ABCG5: variants seen among roughly 807,000 people sequenced by gnomAD.
The protein encoded by ABCG5 is ATP binding cassette subfamily G member 5, also known as ATP-binding cassette sub-family G member 5.
In ABCG5, 64 loss-of-function variants were observed where a neutral mutation model predicts 64.5. The observed-to-expected ratio is 0.99, with a 90% CI of 0.81 to 1.22. The LOEUF (loss-of-function observed/expected upper bound fraction) is 1.22, where lower values mean the gene tolerates loss of function less well. Ranked by LOEUF, ABCG5 falls within the 50% of genes most tolerant of loss-of-function variation. The pLI is 0.00. For synonymous variants in ABCG5, 385 were observed against 326.3 expected (o/e 1.18, Z -1.94); for missense variants, 908 against 829.5 (o/e 1.09, Z -1.16).
chr2:43,809,475 A>G (rs1028193597), downstream of ABCG5, among the ~76,000 whole-genome samples: 1 of 152,232 alleles, frequency 6.6e-6, no homozygotes, highest in African/African-American at 2.4e-5. Context: ...TGAAAGTTTA[A>G]TAAATTCATC....
intron 9 of ABCG5, among the ~76,000 whole-genome samples, chr2:43,823,522 A>G (rs1220206644): frequency 6.6e-6 from 1 of 152,166 alleles, no homozygotes; most frequent in African/African-American, 2.4e-5. Context: ...TTTGAAAATT[A>G]GGTGCTGGCT....
At chr2:43,811,429 A>G (rs554582348), downstream of ABCG5, among the ~76,000 whole-genome samples, 89 of 152,124 alleles carry the variant, frequency 5.9e-4, no homozygotes, top group Non-Finnish European at 8.8e-4. Flanking sequence ...AAATGCTATA[A>G]TTTATCTTTC....
chr2:43,819,514 TAAG>T (rs1667052040), intron 11 of ABCG5, among the ~76,000 whole-genome samples: 2 of 151,976 alleles, frequency 1.3e-5, no homozygotes, highest in South Asian at 2.1e-4. Context: ...TCTTAATTCC[TAAG>T]AATAACTGGG....
chr2:43,829,401 T>G (rs1446840863), intron 4 of ABCG5, among the ~76,000 whole-genome samples: 1 of 152,204 alleles, frequency 6.6e-6, no homozygotes, highest in Non-Finnish European at 1.5e-5. Flanking sequence ...GGACCCAATT[T>G]ATAACCCCCA....
intron 10 of ABCG5, among the ~76,000 whole-genome samples, chr2:43,821,899 C>T (rs1020337587): frequency 6.6e-6 from 1 of 152,024 alleles, no homozygotes; most frequent in Admixed American, 6.6e-5. Context: ...CGCACCCCAT[C>T]TTTGAAAGTG....
intron 6 of ABCG5, 82 bp downstream of exon 6, chr2:43,826,300 A>C: frequency 1.9e-6 from 3 of 1,601,966 alleles, no homozygotes; most frequent in Non-Finnish European, 2.6e-6. Flanking sequence ...GTGCCTGGCC[A>C]CTGGTACAAA....
intron 10 of ABCG5, 61 bp downstream of exon 10, chr2:43,822,736 G>T (rs575801639): frequency 6.2e-4 from 1,000 of 1,612,224 alleles, no homozygotes; most frequent in Non-Finnish European, 8.1e-4. Flanking sequence ...CCCTGCACGA[G>T]TCCCACTAGC....
chr2:43,815,712 T>C (rs1461708508), intron 11 of ABCG5, among the ~76,000 whole-genome samples: 5 of 151,882 alleles, frequency 3.3e-5, no homozygotes, highest in Non-Finnish European at 5.9e-5. Context: ...CCAGAAACAC[T>C]GGAAGAGAGG....
At position 43,838,598 on chromosome 2, in the gene ABCG5, C is replaced by T; in HGVS notation, c.82G>A (p.Ala28Thr). 1.9e-6 allele frequency: 3 copies of T among 1,611,558 alleles called. No homozygotes were observed. Among genetic ancestry groups the T allele is most frequent in the East Asian group, 2.2e-5 (1 of 44,812 alleles). ...NRGSQSSLEG[A>T]PATAPEPHSL... ...TGAGGCTCCGGGGCGGTGGCAGGAG[C>T]CCCCTCCAGGGAGCTCTGGGAGCCT... Residue 28 changes from alanine (A) to threonine (T), a missense_variant, in exon 1 of 13, where the codon GCT (alanine) becomes ACT (threonine). Coordinates refer to ENST00000405322, the MANE Select transcript of ABCG5 (RefSeq NM_022436.3). The surrounding 1 kb of genome is among the most constrained non-coding windows in gnomAD (Gnocchi z 4.2).
chr2:43,824,770 A>G, intron 7 of ABCG5, 119 bp downstream of exon 7: 1 of 1,515,090 alleles, frequency 6.6e-7, no homozygotes, highest in Middle Eastern at 1.8e-4. Flanking sequence ...CTTGAAGAGT[A>G]TAAAACACAA....
intron 11 of ABCG5, among the ~76,000 whole-genome samples, chr2:43,815,014 C>G (rs1002340308): frequency 5.3e-5 from 8 of 152,166 alleles, no homozygotes; most frequent in Non-Finnish European, 1.0e-4. Flanking sequence ...CGATTACTGT[C>G]TACTTATTTT....
the ABCG5 span, among the ~76,000 whole-genome samples, chr2:43,806,585 G>A: frequency 1.3e-5 from 2 of 152,198 alleles, no homozygotes; most frequent in Non-Finnish European, 1.5e-5. Flanking sequence ...ATAAGGATTA[G>A]TTGGAAGTCA....
chr2:43,822,478 G>GCCCCCCCCCCCCCCCC (rs55983843), intron 10 of ABCG5: 1 of 432,258 alleles, frequency 2.3e-6, no homozygotes, highest in African/African-American at 2.2e-5. Flanking sequence ...CCTCCCCCAG[G>GCCCCCCCCCCCCCCCC]CCCCCCCCCA....
Position 43,822,813 on chromosome 2 carries a change from T to C in ABCG5, c.1447A>G (p.Ser483Gly). The C allele has an allele frequency of 6.2e-7, 1 of 1,614,084 alleles. No homozygotes were observed. The highest frequency in any genetic ancestry group is 8.5e-7 in the Non-Finnish European group (1 of 1,180,002). The change falls in exon 10 of 13, where the codon AGC becomes GGC. Residue 483 changes from serine to glycine, a missense_variant. Physicochemically the swap from Ser to Gly is moderately conservative, Grantham distance 56. Coordinates refer to ENST00000405322, the MANE Select transcript of ABCG5 (RefSeq NM_022436.3). ...ACCCCTCACCAGTAGCACACACTGCTGAAAATCATGGTGGCAACAACGCTG... is the reference window on the plus strand; with the variant it reads ...ACCCCTCACCAGTAGCACACACTGCCGAAAATCATGGTGGCAACAACGCTG... ...PFSVVATMIF[S>G]SVCYWTLGLH...
chr2:43,814,358 A>G (rs1183044819), intron 12 of ABCG5, 119 bp downstream of exon 12: 3 of 719,164 alleles, frequency 4.2e-6, no homozygotes, highest in African/African-American at 3.6e-5. Flanking sequence ...GTATTTCAAA[A>G]CAGAGTTTTA....
intron 11 of ABCG5, among the ~76,000 whole-genome samples, chr2:43,817,096 G>T (rs1257154617): frequency 6.6e-6 from 1 of 152,184 alleles, no homozygotes; most frequent in Admixed American, 6.5e-5. Context: ...TTAATTTTCA[G>T]CGATGGAAGT....
chr2:43,819,512 C>A (rs1667051643), intron 11 of ABCG5, among the ~76,000 whole-genome samples: 2 of 147,302 alleles, frequency 1.4e-5, no homozygotes, highest in Admixed American at 1.4e-4. Flanking sequence ...AGTCTTAATT[C>A]CTAAGAATAA....
At chr2:43,835,792 C>T (rs1227044895) in intron 2 of ABCG5, among the ~76,000 whole-genome samples, 2 of 152,206 alleles carry the variant, frequency 1.3e-5, no homozygotes. Flanking sequence ...AAGTCTCCCT[C>T]ACCAGACACT....
At position 43,813,323 on chromosome 2, in the gene ABCG5, G is replaced by A. The variant is rs1666581984; in HGVS notation, c.1763-14C>T. 1.9e-6 allele frequency: 3 copies of A among 1,567,772 alleles called. No homozygotes were observed. The highest frequency in any genetic ancestry group is 2.6e-6 in the Non-Finnish European group (3 of 1,139,056). ...CATTTGAGCTGCCTGTCAAGGAAAA[G>A]ATTGACAGTGTCAGGTGTGGTTTAT... On this transcript the variant is annotated splice_polypyrimidine_tract_variant and intron_variant, in intron 12 of 12. Coordinates refer to ENST00000405322, the MANE Select transcript of ABCG5 (RefSeq NM_022436.3).
Sources: gnomAD v4.1 joint callset for allele counts (sites outside exome capture counted in the v4.1 genomes callset) on GRCh38, gnomAD v4.1.1 for gene constraint, Gnocchi (gnomAD v3.1) non-coding constraint, MANE v1.5 for transcripts, NCBI Gene and HGNC (gene_info 2026-07-23, HGNC 2026-07-21) for gene names.